Variants in PARVB observed in about 807,000 individuals in gnomAD.
PARVB encodes the protein parvin beta.
In PARVB, 46 loss-of-function variants were observed where a neutral mutation model predicts 47.0. That is an observed-to-expected ratio of 0.98 (90% CI 0.77 to 1.25). PARVB has a LOEUF of 1.25. PARVB is among the 50% of genes most tolerant of loss of function. PARVB has a pLI of 0.00. For missense variants in PARVB, 473 were observed against 471.6 expected (o/e 1.00, Z -0.03); for synonymous variants, 196 against 196.3 (o/e 1.00, Z 0.01).
At chr22:44,144,838 A>G (rs2147127961) in intron 8 of PARVB, 1 of 152,266 alleles carries the variant, frequency 6.6e-6, no homozygotes, top group East Asian at 1.9e-4. Flanking sequence ...AACAAAACAA[A>G]TGAAAACTGT....
chr22:44,092,498 G>A (rs968026367), intron 1 of PARVB, among the ~76,000 whole-genome samples: 6 of 151,990 alleles, frequency 3.9e-5, no homozygotes, highest in African/African-American at 4.8e-5. Context: ...GCTGAATATC[G>A]GCCTTTGCTG....
intron 1 of PARVB, among the ~76,000 whole-genome samples, chr22:44,067,772 G>C (rs1423408443): frequency 6.6e-6 from 1 of 152,154 alleles, no homozygotes; most frequent in African/African-American, 2.4e-5. Context: ...TGGGGACCTG[G>C]ATCAGCATTG....
At chr22:44,104,614 T>C (rs887554494) in intron 3 of PARVB, 1 of 152,330 alleles carries the variant, frequency 6.6e-6, no homozygotes, top group African/African-American at 2.4e-5. Flanking sequence ...TCCTTTCTTC[T>C]GGTTTGGGAA....
chr22:44,086,634 T>G, intron 1 of PARVB: 1 of 455,620 alleles, frequency 2.2e-6, no homozygotes, highest in Non-Finnish European at 2.9e-6. Flanking sequence ...CCGAGGCTGA[T>G]GATGTTTTTA....
Position 44,160,887 on chromosome 22 carries a change from C to T in PARVB, c.945+2804C>T, listed in dbSNP as rs115970526. Among the ~76,000 whole-genome samples the T allele has an allele frequency of 7.5e-3, 1,147 of 152,290 alleles. 15 individuals carry two copies. Among genetic ancestry groups the T allele is most frequent in the African/African-American group, 0.026 (1,079 of 41,552 alleles). On this transcript the variant is annotated intron_variant, in intron 11 of 12. Coordinates refer to ENST00000338758, the MANE Select transcript of PARVB (RefSeq NM_013327.5). ...CTCCAGCCGTCTCTGAGTGTCTCCA[C>T]GTGTCATGCATCTCATCCCCAGCCC...
rs566303423 is a variant in PARVB at position 44,128,928 on chromosome 22, A to G, written c.377-2559A>G. ...CCCTGCCTCTACTAAAAATACAAAA[A>G]TTACCTGGGCGTGGTGGCACATGCC... On this transcript the variant is annotated intron_variant, in intron 4 of 12. Transcript: ENST00000338758. 2.0e-5 allele frequency among the ~76,000 whole-genome samples: 3 copies of G among 152,238 alleles called. No individual in the cohort carries two copies. In the East Asian group the frequency reaches 5.8e-4, roughly 29 times the overall value.
At chr22:44,085,010 C>T (rs2051992618) in intron 1 of PARVB, among the ~76,000 whole-genome samples, 1 of 152,242 alleles carries the variant, frequency 6.6e-6, no homozygotes, top group South Asian at 2.1e-4. Flanking sequence ...AGCCACTGGG[C>T]CTTGCATCAG....
At chr22:44,100,915 G>A (rs1294950971) in intron 3 of PARVB, among the ~76,000 whole-genome samples, 1 of 152,134 alleles carries the variant, frequency 6.6e-6, no homozygotes, top group East Asian at 1.9e-4. Context: ...AGCCCACGGC[G>A]AGCTTGGGCA....
intron 3 of PARVB, chr22:44,112,627 C>T: frequency 6.5e-6 from 1 of 153,006 alleles, no homozygotes; most frequent in Non-Finnish European, 1.5e-5. Context: ...GCATCCTTGA[C>T]CTCCCAGGCT....
intron 4 of PARVB, among the ~76,000 whole-genome samples, chr22:44,130,181 A>G (rs2053278999): frequency 6.6e-6 from 1 of 152,226 alleles, no homozygotes; most frequent in Admixed American, 6.5e-5. Context: ...ATGCCGCGTC[A>G]CTGACAGCAG....
chr22:44,071,946 C>T (rs553679501), intron 1 of PARVB, among the ~76,000 whole-genome samples: 5 of 152,350 alleles, frequency 3.3e-5, no homozygotes, highest in East Asian at 1.9e-4. Context: ...GCCTCTTCTG[C>T]GTCTCTGCCA....
intron 1 of PARVB, among the ~76,000 whole-genome samples, chr22:44,054,080 T>G (rs1251909298): frequency 6.6e-6 from 1 of 152,172 alleles, no homozygotes; most frequent in Non-Finnish European, 1.5e-5. Flanking sequence ...GACCTATCTG[T>G]GCAGCCTTCC....
chr22:44,084,477 G>C (rs1265789877), intron 1 of PARVB, among the ~76,000 whole-genome samples: 1 of 152,208 alleles, frequency 6.6e-6, no homozygotes, highest in African/African-American at 2.4e-5. Flanking sequence ...GCTTGCAGGG[G>C]CCAAGGTGGC....
intron 1 of PARVB, among the ~76,000 whole-genome samples, chr22:44,082,800 G>A (rs1402030875): frequency 2.0e-5 from 3 of 152,130 alleles, no homozygotes; most frequent in African/African-American, 4.8e-5. Context: ...GGGACAAAGG[G>A]GAAGAAAAGA....
chr22:44,129,836 T>A (rs2053271014), intron 4 of PARVB, among the ~76,000 whole-genome samples: 1 of 152,236 alleles, frequency 6.6e-6, no homozygotes, highest in Non-Finnish European at 1.5e-5. Flanking sequence ...ATCTCCCCAC[T>A]AGGGACCTCT....
intron 1 of PARVB, among the ~76,000 whole-genome samples, chr22:44,025,974 C>T (rs1383399565): frequency 2.0e-5 from 3 of 152,144 alleles, no homozygotes; most frequent in Non-Finnish European, 4.4e-5. Flanking sequence ...GATGACGTGC[C>T]CCGGAGCACA....
chr22:44,032,673 G>A (rs2050846875), intron 1 of PARVB, among the ~76,000 whole-genome samples: 1 of 152,126 alleles, frequency 6.6e-6, no homozygotes, highest in Non-Finnish European at 1.5e-5. Flanking sequence ...ATTCGTTATG[G>A]ATGAATGTGG....
chr22:44,102,884 C>T (rs1015002402), intron 3 of PARVB: 1 of 152,340 alleles, frequency 6.6e-6, no homozygotes, highest in Admixed American at 6.5e-5. Flanking sequence ...ACTCCCCACC[C>T]CCAGGTGCTG....
intron 1 of PARVB, among the ~76,000 whole-genome samples, chr22:44,081,126 G>A (rs1569097947): frequency 6.6e-6 from 1 of 152,206 alleles, no homozygotes; most frequent in African/African-American, 2.4e-5. Context: ...TTTCTGCTGT[G>A]GGCATTGCAT....
Sources: gnomAD v4.1 joint callset for allele counts (sites outside exome capture counted in the v4.1 genomes callset) on GRCh38, gnomAD v4.1.1 for gene constraint, MANE v1.5 for transcripts, NCBI Gene and HGNC (gene_info 2026-07-23, HGNC 2026-07-21) for gene names.